The following LRRTM4 variants were observed in gnomAD, a reference collection of about 807,000 sequenced individuals.
LRRTM4 encodes the protein leucine-rich repeat transmembrane neuronal protein 4.
A neutral mutation model predicts 47.6 loss-of-function variants in LRRTM4; 25 were observed. The observed-to-expected ratio is 0.53, with a 90% CI of 0.38 to 0.73. The LOEUF (loss-of-function observed/expected upper bound fraction) is 0.73, where lower values mean the gene tolerates loss of function less well. Ranked by LOEUF, LRRTM4 falls within the 30% of genes least tolerant of loss-of-function variation. LRRTM4 has a pLI of 0.00. For synonymous variants in LRRTM4, 311 were observed against 269.5 expected, an observed-to-expected ratio of 1.15 and a Z score of -1.51; for missense variants, 638 against 713.4, an observed-to-expected ratio of 0.89 and a Z score of 1.20.
chr2:76,913,394 C>T (rs576949793), intron 3 of LRRTM4, among the ~76,000 whole-genome samples: 1 of 151,178 alleles, frequency 6.6e-6, no homozygotes, highest in South Asian at 2.1e-4. Flanking sequence ...GATATCTGTT[C>T]ATTTATTTAA....
chr2:77,286,977 C>T (rs1369947224), intron 3 of LRRTM4, among the ~76,000 whole-genome samples: 1 of 151,904 alleles, frequency 6.6e-6, no homozygotes, highest in African/African-American at 2.4e-5. Context: ...TGGGAGAGTA[C>T]AATTGCTTTT....
intron 3 of LRRTM4, among the ~76,000 whole-genome samples, chr2:76,749,743 T>G (rs570567449): frequency 6.6e-6 from 1 of 152,294 alleles, no homozygotes; most frequent in East Asian, 1.9e-4. Context: ...AGCTTTTAAT[T>G]AAGCCATAAA....
In LRRTM4 at chr2:77,292,391, T is replaced by C. The variant is rs1573205542; in HGVS notation, c.1551+225927A>G. Among the ~76,000 whole-genome samples the C allele has an allele frequency of 2.0e-5, 3 of 151,936 alleles. No homozygotes were observed. In the East Asian group the frequency reaches 5.8e-4, roughly 30 times the overall value. On this transcript the variant is annotated intron_variant, in intron 3 of 3. Transcript: ENST00000409884. ...TAAATCATGCTGCTATAAAGACACA[T>C]GCACACATATGTTTATTGTGGCACT...
At chr2:77,362,125 G>GAAAGA (rs1553434380) in intron 3 of LRRTM4, among the ~76,000 whole-genome samples, 2 of 120,050 alleles carry the variant, frequency 1.7e-5, no homozygotes, top group Non-Finnish European at 3.7e-5. Flanking sequence ...GAGAAAGAAA[G>GAAAGA]AAAGAAAGAA....
chr2:77,098,514 A>G (rs770571985), intron 3 of LRRTM4, among the ~76,000 whole-genome samples: 3 of 152,002 alleles, frequency 2.0e-5, no homozygotes, highest in African/African-American at 4.8e-5. Flanking sequence ...GTAGTTAAAA[A>G]CCTAAATATA....
rs12471913 is a variant in LRRTM4 at position 76,999,329 on chromosome 2, G to T, written c.1552-250413C>A. Among the ~76,000 whole-genome samples, 3 of 151,794 alleles carry T rather than the reference G, an allele frequency of 2.0e-5. No individual in the cohort carries two copies. The East Asian group carries it at 5.9e-4, about 30-fold the overall frequency. On this transcript the variant is annotated intron_variant, in intron 3 of 3. Coordinates refer to ENST00000409884, the MANE Select transcript of LRRTM4 (RefSeq NM_001134745.3). Reference sequence around the variant, plus strand: ...AGAAAATATCTTGATAGAATCTCAAGATGTACTTGAGCAACTGGTACACAG... The same window carrying T: ...AGAAAATATCTTGATAGAATCTCAATATGTACTTGAGCAACTGGTACACAG...
intron 3 of LRRTM4, among the ~76,000 whole-genome samples, chr2:76,882,387 T>G (rs17040487): frequency 0.19 from 28,919 of 151,844 alleles, 2,902 homozygotes; most frequent in Admixed American, 0.27. Flanking sequence ...TGTTCCTACT[T>G]CAAATGAGAA....
At chr2:77,270,006 C>T (rs535218484) in intron 3 of LRRTM4, among the ~76,000 whole-genome samples, 1 of 152,264 alleles carries the variant, frequency 6.6e-6, no homozygotes, top group African/African-American at 2.4e-5. Flanking sequence ...CTGAAAGACA[C>T]AGAAGCTGAG....
chr2:77,435,492 C>T (rs188062203), intron 3 of LRRTM4, among the ~76,000 whole-genome samples: 2 of 152,012 alleles, frequency 1.3e-5, no homozygotes, highest in African/African-American at 4.8e-5. Flanking sequence ...ATTCAATATC[C>T]AATTTATATA....
At chr2:77,384,744 T>C (rs919152647) in intron 3 of LRRTM4, among the ~76,000 whole-genome samples, 13 of 152,090 alleles carry the variant, frequency 8.5e-5, no homozygotes, top group Middle Eastern at 6.8e-3. Flanking sequence ...AAATCTGAAA[T>C]AATATTTCTG....
chr2:77,521,048 TC>T (rs1679470982), intron 2 of LRRTM4, among the ~76,000 whole-genome samples: 1 of 152,054 alleles, frequency 6.6e-6, no homozygotes, highest in African/African-American at 2.4e-5. Flanking sequence ...TTCTTTTTTT[TC>T]TTTTTAATTT....
intron 3 of LRRTM4, among the ~76,000 whole-genome samples, chr2:77,190,239 C>A (rs1485146627): frequency 6.6e-6 from 1 of 150,682 alleles, no homozygotes; most frequent in African/African-American, 2.4e-5. Flanking sequence ...GGAGATGGGG[C>A]CCATAACTAA....
chr2:76,999,763 C>A (rs1265556123), intron 3 of LRRTM4, among the ~76,000 whole-genome samples: 1 of 152,126 alleles, frequency 6.6e-6, no homozygotes, highest in Non-Finnish European at 1.5e-5. Flanking sequence ...TTTAGAATTT[C>A]TCTGTCTGTA....
intron 3 of LRRTM4, among the ~76,000 whole-genome samples, chr2:76,833,308 G>T (rs1227061198): frequency 6.6e-6 from 1 of 152,078 alleles, no homozygotes; most frequent in African/African-American, 2.4e-5. Context: ...CAAACTCCGT[G>T]ATTGTAAATA....
intron 3 of LRRTM4, among the ~76,000 whole-genome samples, chr2:77,247,643 C>G (rs944627801): frequency 3.7e-4 from 56 of 152,134 alleles, no homozygotes; most frequent in African/African-American, 1.3e-3. Context: ...CACCACAGCT[C>G]CCTGTGCTCA....
chr2:77,285,419 G>C (rs1243895987), intron 3 of LRRTM4, among the ~76,000 whole-genome samples: 2 of 144,130 alleles, frequency 1.4e-5, no homozygotes, highest in East Asian at 2.1e-4. Flanking sequence ...GCAAATATTA[G>C]AGAAATCCCA....
At position 77,222,578 on chromosome 2, in the gene LRRTM4, C is replaced by T. The variant is rs74872926; in HGVS notation, c.1551+295740G>A. Among the ~76,000 whole-genome samples, 3 of 152,290 alleles carry T rather than the reference C, an allele frequency of 2.0e-5. No individual in the cohort carries two copies. The Middle Eastern group carries it at 0.01, about 518-fold the overall frequency. ...CTATCATCAGAGAATACTCTAAACACCTCTACAGGAATAAAGTAGAAAATC... is the reference window on the plus strand; with the variant it reads ...CTATCATCAGAGAATACTCTAAACATCTCTACAGGAATAAAGTAGAAAATC... On this transcript the variant is annotated intron_variant, in intron 3 of 3. Transcript: ENST00000409884.
chr2:76,959,362 T>A (rs1477835565), intron 3 of LRRTM4, among the ~76,000 whole-genome samples: 1 of 151,300 alleles, frequency 6.6e-6, no homozygotes, highest in African/African-American at 2.4e-5. Flanking sequence ...CACATAAACA[T>A]AGAAAAATAT....
intron 3 of LRRTM4, among the ~76,000 whole-genome samples, chr2:76,784,311 A>G (rs1382588022): frequency 6.6e-6 from 1 of 152,084 alleles, no homozygotes; most frequent in African/African-American, 2.4e-5. Context: ...AATATTATGG[A>G]AAAGCATGCT....
Sources: allele counts gnomAD v4.1 joint callset (sites outside exome capture counted in the v4.1 genomes callset), GRCh38; gene constraint gnomAD v4.1.1; transcripts MANE v1.5; gene names NCBI Gene and HGNC (gene_info 2026-07-23, HGNC 2026-07-21).